Variants in LMX1A observed in about 807,000 individuals in gnomAD.
LMX1A encodes the protein LIM homeobox transcription factor 1 alpha.
Under a neutral mutation model 49.1 loss-of-function variants are expected in LMX1A, and 15 were observed. That is an observed-to-expected ratio of 0.31 (90% CI 0.20 to 0.47). LMX1A has a LOEUF of 0.47. Ranked by LOEUF, LMX1A falls within the 20% of genes least tolerant of loss-of-function variation. LMX1A has a pLI of 1.00. For synonymous variants in LMX1A, 167 were observed against 185.7 expected (o/e 0.90, Z 0.82); for missense variants, 372 against 475.8 (o/e 0.78, Z 2.03).
rs145362880 is a variant in LMX1A at position 165,353,406 on chromosome 1, G to A, written c.77-144C>T. ...CAGGGAACTCCTGCTAATCAACCAA[G>A]CTGAAACCTGGAAAAAATCAAGCCA... On this transcript the variant is annotated intron_variant, in intron 2 of 8. Transcript: ENST00000342310. 9.1e-3 allele frequency: 5,805 copies of A among 638,020 alleles called. 49 individuals carry two copies. Among genetic ancestry groups the A allele is most frequent in the Non-Finnish European group, 0.012 (4,600 of 375,676 alleles). 39.5% of individuals were successfully genotyped at this position (638,020 alleles called of 1,614,324 possible).
At chr1:165,321,233 C>T (rs1211176812) in intron 3 of LMX1A, among the ~76,000 whole-genome samples, 1 of 152,062 alleles carries the variant, frequency 6.6e-6, no homozygotes, top group African/African-American at 2.4e-5. Context: ...TTGCCAAGGG[C>T]TGGGGAGTTA....
At chr1:165,347,530 A>G (rs1377743956) in intron 3 of LMX1A, among the ~76,000 whole-genome samples, 1 of 152,262 alleles carries the variant, frequency 6.6e-6, no homozygotes, top group Non-Finnish European at 1.5e-5. Context: ...AAGAGCATTT[A>G]CAAATCCATG....
At chr1:165,329,465 T>C (rs960301912) in intron 3 of LMX1A, among the ~76,000 whole-genome samples, 1 of 152,032 alleles carries the variant, frequency 6.6e-6, no homozygotes, top group Non-Finnish European at 1.5e-5. Context: ...CCAAAGGCCA[T>C]TCAGTGAAGG....
chr1:165,256,251 C>G (rs540381867), intron 3 of LMX1A, among the ~76,000 whole-genome samples: 1 of 152,142 alleles, frequency 6.6e-6, no homozygotes, highest in Non-Finnish European at 1.5e-5. Context: ...GGGGAAAGAA[C>G]ACGGGACTTG....
rs1650889057 is a variant in LMX1A, at chr1:165,202,497, G to T, written c.*1383C>A. ...AGGGGCCCCAAACTTTTTCTGTAAG[G>T]GCCAGACAATACAGATAGCAAATAT... On this transcript the variant is annotated 3_prime_UTR_variant, in exon 9 of 9. Coordinates refer to ENST00000342310, the MANE Select transcript of LMX1A (RefSeq NM_177398.4). The T allele has an allele frequency of 6.6e-6, 1 of 151,710 alleles. No individual in the cohort carries two copies. The highest frequency in any genetic ancestry group is 2.4e-5 in the African/African-American group (1 of 41,270). The allele number at this position is 151,710 out of a possible 1,614,324, so 9.4% of individuals were successfully genotyped here.
chr1:165,249,618 C>A lies in LMX1A; in HGVS notation c.286G>T (p.Gly96Cys). The A allele has an allele frequency of 6.2e-7, 1 of 1,614,084 alleles. No individual in the cohort carries two copies. The highest frequency in any genetic ancestry group is 8.5e-7 in the Non-Finnish European group (1 of 1,179,966). Residue 96 changes from glycine to cysteine, a missense_variant, in exon 4 of 9, where the codon GGC becomes TGC. Coordinates refer to ENST00000342310, the MANE Select transcript of LMX1A (RefSeq NM_177398.4). ...TTGGGAGCGATGGCCTCGAAGCAGC[C>A]CCCACATTTAACAGCAAACAGCCTG... ...YEKLFAVKCGGCFEAIAPNEF... is the reference protein window; with the variant it reads ...YEKLFAVKCGCCFEAIAPNEF...
In LMX1A at chr1:165,209,592, A is replaced by G. The variant is rs1651277903; in HGVS notation, c.747+1107T>C. ...AAATCCCAAAAGGATGGGGATAGAG[A>G]GCTTCCAGACAGCTGAATACATGGA... On this transcript the variant is annotated intron_variant, in intron 6 of 8. Coordinates refer to ENST00000342310, the MANE Select transcript of LMX1A (RefSeq NM_177398.4). Among the ~76,000 whole-genome samples, 4 of 152,208 alleles carry G rather than the reference A, an allele frequency of 2.6e-5. No individual in the cohort carries two copies. The South Asian group carries it at 8.3e-4, about 31-fold the overall frequency.
intron 4 of LMX1A, among the ~76,000 whole-genome samples, chr1:165,242,075 G>A (rs1220713135): frequency 6.6e-6 from 1 of 152,176 alleles, no homozygotes; most frequent in Non-Finnish European, 1.5e-5. Context: ...CTTTGCCAAG[G>A]ACATCAGAGG....
At chr1:165,308,732 C>G (rs192519766) in intron 3 of LMX1A, among the ~76,000 whole-genome samples, 15 of 152,240 alleles carry the variant, frequency 9.9e-5, no homozygotes, top group Admixed American at 9.8e-4. Flanking sequence ...CATTCCACAG[C>G]TTGGGTCTAT....
intron 4 of LMX1A, 138 bp downstream of exon 4, chr1:165,249,270 C>A (rs1373637467): frequency 3.2e-6 from 2 of 621,496 alleles, no homozygotes; most frequent in African/African-American, 3.7e-5. Flanking sequence ...AAAGAAAGTT[C>A]CTGAAATACA....
chr1:165,326,134 C>T (rs1655572320), intron 3 of LMX1A, among the ~76,000 whole-genome samples: 1 of 152,134 alleles, frequency 6.6e-6, no homozygotes. Context: ...CCTCCCAGAT[C>T]TTTCCAATAG....
intron 3 of LMX1A, among the ~76,000 whole-genome samples, chr1:165,327,512 C>G (rs990358567): frequency 2.0e-5 from 3 of 152,240 alleles, no homozygotes; most frequent in African/African-American, 7.2e-5. Flanking sequence ...AATCCTGGAG[C>G]TGAGTCTTGA....
Position 165,353,060 on chromosome 1 carries a change from G to C in LMX1A, c.263+16C>G. The stretch of plus-strand genomic sequence containing the variant: ...TGCCAGTGCGCGGGGAGCGCTGCGG[G>C]GGTGCGGCCACTTACTTCTCGTAGT... On this transcript the variant is annotated intron_variant, in intron 3 of 8. Coordinates refer to ENST00000342310, the MANE Select transcript of LMX1A (RefSeq NM_177398.4). The C allele has an allele frequency of 6.2e-7, 1 of 1,613,132 alleles. No individual in the cohort carries two copies. The highest frequency in any genetic ancestry group is 8.5e-7 in the Non-Finnish European group (1 of 1,179,418).
chr1:165,240,309 C>G (rs968929878), intron 4 of LMX1A, among the ~76,000 whole-genome samples: 1 of 108,278 alleles, frequency 9.2e-6, no homozygotes, highest in African/African-American at 3.6e-5. Context: ...TTTTAAATAC[C>G]TACTCAAGGT....
rs575994950 is a variant in LMX1A, at chr1:165,311,137, C to T, written c.263+41939G>A. On this transcript the variant is annotated intron_variant, in intron 3 of 8. Coordinates refer to ENST00000342310, the MANE Select transcript of LMX1A (RefSeq NM_177398.4). ...ACAGGATTTACATTTTTTCTTCCGC[C>T]AGGGCCCCTTGCTCTTCCCTAGAAA... 2.6e-5 allele frequency among the ~76,000 whole-genome samples: 4 copies of T among 152,278 alleles called. No individual in the cohort carries two copies. The South Asian group carries it at 8.3e-4, about 32-fold the overall frequency.
chr1:165,324,264 T>A (rs1317662007), intron 3 of LMX1A, among the ~76,000 whole-genome samples: 1 of 152,224 alleles, frequency 6.6e-6, no homozygotes, highest in East Asian at 1.9e-4. Flanking sequence ...ACATCCGAGC[T>A]GTGAGCAGCT....
At chr1:165,217,266 C>A (rs1291445786) in intron 4 of LMX1A, among the ~76,000 whole-genome samples, 5 of 152,122 alleles carry the variant, frequency 3.3e-5, no homozygotes, top group African/African-American at 9.7e-5. Flanking sequence ...TTGTTCAGAG[C>A]CCCAGAGGCA....
chr1:165,275,601 C>T (rs1244232136), intron 3 of LMX1A, among the ~76,000 whole-genome samples: 5 of 152,172 alleles, frequency 3.3e-5, no homozygotes, highest in African/African-American at 1.2e-4. Flanking sequence ...AGTTCCTTGG[C>T]AAAGCCCCCT....
At chr1:165,345,833 C>T (rs1168730736) in intron 3 of LMX1A, among the ~76,000 whole-genome samples, 5 of 152,092 alleles carry the variant, frequency 3.3e-5, no homozygotes, top group Admixed American at 6.5e-5. Flanking sequence ...AGTTCAGGAC[C>T]AGCCGGAGCA....
Sources: allele counts gnomAD v4.1 joint callset (sites outside exome capture counted in the v4.1 genomes callset), GRCh38; gene constraint gnomAD v4.1.1; transcripts MANE v1.5; gene names NCBI Gene and HGNC (gene_info 2026-07-23, HGNC 2026-07-21).